Variants in MACC1 observed in about 807,000 individuals in gnomAD.
The protein encoded by MACC1 is metastasis-associated in colon cancer protein 1.
Under a neutral mutation model 70.7 loss-of-function variants are expected in MACC1, and 79 were observed. The ratio of observed to expected loss-of-function variants is 1.12; its 90% CI spans 0.93 to 1.35. The LOEUF is 1.35. MACC1 is among the 40% of genes most tolerant of loss of function. The pLI is 0.00. For missense variants in MACC1, 1,106 were observed against 978.1 expected (o/e 1.13, Z -1.74); for synonymous variants, 361 against 347.2 (o/e 1.04, Z -0.44).
At chr7:20,211,319 T>C (rs1011304317) in intron 1 of MACC1, among the ~76,000 whole-genome samples, 2 of 152,148 alleles carry the variant, frequency 1.3e-5, no homozygotes, top group African/African-American at 4.8e-5. Flanking sequence ...AAGTACTCAG[T>C]TGGTACTAAT....
intron 6 of MACC1, among the ~76,000 whole-genome samples, chr7:20,141,514 T>C (rs1781802101): frequency 6.6e-6 from 1 of 150,992 alleles, no homozygotes; most frequent in South Asian, 2.1e-4. Flanking sequence ...GAGAGACTTT[T>C]AGAGTTAATT....
At chr7:20,186,143 T>C (rs1444749416) in intron 1 of MACC1, among the ~76,000 whole-genome samples, 1 of 152,268 alleles carries the variant, frequency 6.6e-6, no homozygotes, top group Non-Finnish European at 1.5e-5. Context: ...GCCTAGCTTC[T>C]TGGCTGCACA....
At chr7:20,183,704 T>G (rs1338095408) in intron 1 of MACC1, among the ~76,000 whole-genome samples, 3 of 135,662 alleles carry the variant, frequency 2.2e-5, no homozygotes, top group Non-Finnish European at 4.6e-5. Context: ...CAATACCTGA[T>G]TCTAACTTTT....
At chr7:20,184,291 T>A (rs1295886950) in intron 1 of MACC1, among the ~76,000 whole-genome samples, 1 of 152,158 alleles carries the variant, frequency 6.6e-6, no homozygotes. Context: ...ATTAACAACA[T>A]CTAACTCACT....
chr7:20,163,079 C>T (rs1252692021), intron 3 of MACC1, among the ~76,000 whole-genome samples: 1 of 151,680 alleles, frequency 6.6e-6, no homozygotes, highest in Non-Finnish European at 1.5e-5. Flanking sequence ...AATCAATAAA[C>T]AAAATAAAAC....
At chr7:20,172,049 C>G (rs1428006740) in intron 1 of MACC1, among the ~76,000 whole-genome samples, 1 of 152,160 alleles carries the variant, frequency 6.6e-6, no homozygotes, top group East Asian at 1.9e-4. Context: ...TGAGAATATT[C>G]TGAGGGAAAT....
rs1562586170 is a variant in MACC1 at position 20,159,657 on chromosome 7, T to C, written c.704A>G (p.His235Arg). The change falls in exon 5 of 7, where the codon CAT (histidine) becomes CGT (arginine). Residue 235 changes from histidine to arginine, a missense_variant. Coordinates refer to ENST00000400331, the MANE Select transcript of MACC1 (RefSeq NM_182762.4). Reference sequence around the variant, plus strand: ...CACAGCCACATGACCTTGGGGCACATGAACAGTGATGTCTGATTCAGGTAA... The same window carrying C: ...CACAGCCACATGACCTTGGGGCACACGAACAGTGATGTCTGATTCAGGTAA... ...VQLPESDITV[H>R]VPQGHVAVGE... The C allele has an allele frequency of 6.2e-7, 1 of 1,614,174 alleles. No individual in the cohort carries two copies.
At chr7:20,167,876 T>C (rs1363183571) in intron 2 of MACC1, among the ~76,000 whole-genome samples, 1 of 152,158 alleles carries the variant, frequency 6.6e-6, no homozygotes, top group Non-Finnish European at 1.5e-5. Flanking sequence ...ATACCTAATA[T>C]GTTTTGAACA....
intron 1 of MACC1, among the ~76,000 whole-genome samples, chr7:20,179,397 G>A (rs1399154211): frequency 6.6e-6 from 1 of 152,138 alleles, no homozygotes; most frequent in Non-Finnish European, 1.5e-5. Context: ...GGTTTCCAAG[G>A]TCATGTTAAT....
chr7:20,185,781 T>C (rs1782578176), intron 1 of MACC1, among the ~76,000 whole-genome samples: 1 of 152,218 alleles, frequency 6.6e-6, no homozygotes, highest in Non-Finnish European at 1.5e-5. Flanking sequence ...GGCTTCTAAA[T>C]GCATGGTATC....
At chr7:20,172,530 A>G (rs1782324723) in intron 1 of MACC1, among the ~76,000 whole-genome samples, 1 of 152,194 alleles carries the variant, frequency 6.6e-6, no homozygotes, top group African/African-American at 2.4e-5. Context: ...TTTGAGCTAT[A>G]TAGGAATGAC....
chr7:20,212,144 G>A (rs1457935711), intron 1 of MACC1, among the ~76,000 whole-genome samples: 1 of 152,176 alleles, frequency 6.6e-6, no homozygotes, highest in Non-Finnish European at 1.5e-5. Flanking sequence ...ATAGGATTAA[G>A]CAGGGTACTT....
At chr7:20,198,790 C>A (rs896681194) in intron 1 of MACC1, 1 of 152,106 alleles carries the variant, frequency 6.6e-6, no homozygotes, top group Non-Finnish European at 1.5e-5. Context: ...TGATGTAGAA[C>A]AATTCCTTCA....
chr7:20,172,470 T>C (rs981579007), intron 1 of MACC1, among the ~76,000 whole-genome samples: 15 of 152,170 alleles, frequency 9.9e-5, no homozygotes, highest in African/African-American at 3.1e-4. Context: ...ATAAAATATA[T>C]AAATATATAT....
intron 1 of MACC1, among the ~76,000 whole-genome samples, chr7:20,173,811 A>G (rs1407514537): frequency 6.6e-6 from 1 of 152,202 alleles, no homozygotes; most frequent in Non-Finnish European, 1.5e-5. Context: ...GGCTGGGGTC[A>G]CTGAGATTGA....
intron 1 of MACC1, among the ~76,000 whole-genome samples, chr7:20,192,673 G>A (rs1782690607): frequency 6.6e-6 from 1 of 152,190 alleles, no homozygotes; most frequent in South Asian, 2.1e-4. Flanking sequence ...ATTGTTTTGA[G>A]CCACTAAGTT....
intron 1 of MACC1, among the ~76,000 whole-genome samples, chr7:20,206,915 G>A (rs1782917514): frequency 6.6e-6 from 1 of 152,166 alleles, no homozygotes; most frequent in Non-Finnish European, 1.5e-5. Context: ...AGTCACTGTT[G>A]CCAATCCATG....
intron 4 of MACC1, 56 bp from the exon 5 acceptor site, chr7:20,160,301 C>G: frequency 6.8e-7 from 1 of 1,479,266 alleles, no homozygotes; most frequent in Admixed American, 2.6e-5. Context: ...CTGTGAGTTA[C>G]AATCAAGATT....
chr7:20,149,237 C>T (rs1371357667), intron 6 of MACC1, among the ~76,000 whole-genome samples: 19 of 152,086 alleles, frequency 1.2e-4, no homozygotes. Context: ...CTAACTTTTT[C>T]CTTACATTCT....
Sources: gnomAD v4.1 joint callset for allele counts (sites outside exome capture counted in the v4.1 genomes callset) on GRCh38, gnomAD v4.1.1 for gene constraint, MANE v1.5 for transcripts, NCBI Gene and HGNC (gene_info 2026-07-23, HGNC 2026-07-21) for gene names.